AP1G1: variants seen among roughly 807,000 people sequenced by gnomAD.
AP1G1 encodes the protein adaptor related protein complex 1 subunit gamma 1.
Under a neutral mutation model 108.3 loss-of-function variants are expected in AP1G1, and 7 were observed. That is an observed-to-expected ratio of 0.06 (90% CI 0.04 to 0.12). The LOEUF is 0.12. Ranked by LOEUF, AP1G1 falls within the 10% of genes least tolerant of loss-of-function variation. The pLI is 1.00. For synonymous variants in AP1G1, 379 were observed against 353.5 expected, an observed-to-expected ratio of 1.07 and a Z score of -0.81; for missense variants, 756 against 1,010.7, an observed-to-expected ratio of 0.75 and a Z score of 3.42.
chr16:71,785,587 A>G, intron 2 of AP1G1, among the ~76,000 whole-genome samples: 1 of 151,340 alleles, frequency 6.6e-6, no homozygotes, highest in African/African-American at 2.4e-5. Flanking sequence ...AAAAAAAAAA[A>G]AAAAAAAAAA....
intron 5 of AP1G1, among the ~76,000 whole-genome samples, chr16:71,770,188 A>G (rs1444573480): frequency 6.6e-6 from 1 of 152,180 alleles, no homozygotes; most frequent in Non-Finnish European, 1.5e-5. Context: ...CAATCTCACA[A>G]TGCTTTTCAC....
chr16:71,742,189 GA>G (rs1363831761), intron 19 of AP1G1: 1 of 151,928 alleles, frequency 6.6e-6, no homozygotes, highest in Non-Finnish European at 1.5e-5. Context: ...GGAACAAAAA[GA>G]AAAGACTCCA....
At chr16:71,795,236 G>C (rs904040511) in intron 1 of AP1G1, among the ~76,000 whole-genome samples, 7 of 152,216 alleles carry the variant, frequency 4.6e-5, no homozygotes, top group South Asian at 2.1e-4. Flanking sequence ...CAACTATGTG[G>C]TCAGTCTTCC....
At chr16:71,769,094 C>T (rs541667975) in intron 6 of AP1G1, among the ~76,000 whole-genome samples, 2 of 150,290 alleles carry the variant, frequency 1.3e-5, no homozygotes, top group Admixed American at 6.6e-5. Flanking sequence ...ACCAGCTTGG[C>T]CAACATGGTG....
At chr16:71,756,930 CAA>C (rs551372939) in intron 11 of AP1G1, among the ~76,000 whole-genome samples, 16 of 67,876 alleles carry the variant, frequency 2.4e-4, no homozygotes, top group Admixed American at 4.4e-4. Flanking sequence ...GACTCTGTCT[CAA>C]AAAAAAAAAA....
chr16:71,740,285 A>G (rs2045602700), intron 19 of AP1G1, among the ~76,000 whole-genome samples: 1 of 152,202 alleles, frequency 6.6e-6, no homozygotes, highest in Non-Finnish European at 1.5e-5. Flanking sequence ...CTGGGCTTTT[A>G]TGCATTAGAC....
intron 21 of AP1G1, among the ~76,000 whole-genome samples, chr16:71,736,596 T>G (rs2145411491): frequency 6.9e-6 from 1 of 144,556 alleles, no homozygotes; most frequent in African/African-American, 2.6e-5. Flanking sequence ...ATTTATTTAT[T>G]TATTTTTTGA....
In AP1G1 at chr16:71,758,926, A is replaced by G. The variant is rs2030939205; in HGVS notation, c.975-5T>C. On this transcript the variant is annotated splice_polypyrimidine_tract_variant and splice_region_variant and intron_variant, in intron 10 of 22. Coordinates refer to ENST00000299980, the MANE Select transcript of AP1G1 (RefSeq NM_001128.6). ...AAAGATGTCAGAGCCACATATCTGG[A>G]TGAAACAGTTGCAAAATAACAGAGT... 6.5e-7 allele frequency: 1 copy of G among 1,529,760 alleles called. No individual in the cohort carries two copies. The allele number at this position is 1,529,760 out of a possible 1,614,324, so 94.8% of individuals were successfully genotyped here.
chr16:71,791,953 G>C (rs1477273258), intron 1 of AP1G1, among the ~76,000 whole-genome samples: 1 of 151,708 alleles, frequency 6.6e-6, no homozygotes, highest in Non-Finnish European at 1.5e-5. Flanking sequence ...GTAGAGACAG[G>C]GTTTCACCAT....
At position 71,738,892 on chromosome 16, in the gene AP1G1, G is replaced by C. The variant is rs904764; in HGVS notation, c.2268+50C>G. 266 of 1,440,090 alleles carry C rather than the reference G, an allele frequency of 1.8e-4. 1 individual carries two copies. In the African/African-American group the frequency reaches 3.2e-3, roughly 17 times the overall value. The allele number at this position is 1,440,090 out of a possible 1,614,324, so 89.2% of individuals were successfully genotyped here. A position where few individuals can be genotyped will look rare whatever the true frequency, so the allele number is the denominator to read the frequency against. The stretch of plus-strand genomic sequence containing the variant: ...TTTACCAAACACATGAAAAAAAAAA[G>C]CCAGCCAATCTTTAATCAAAGGAAA... On this transcript the variant is annotated intron_variant, in intron 21 of 22. Transcript: ENST00000299980.
chr16:71,784,515 T>C (rs1256258725), intron 2 of AP1G1, among the ~76,000 whole-genome samples: 2 of 152,218 alleles, frequency 1.3e-5, no homozygotes, highest in Non-Finnish European at 2.9e-5. Flanking sequence ...TGGTAGTTTA[T>C]GCCATCTCAA....
intron 15 of AP1G1, among the ~76,000 whole-genome samples, chr16:71,748,844 T>G (rs191784927): frequency 2.0e-5 from 3 of 152,236 alleles, no homozygotes; most frequent in Admixed American, 6.5e-5. Flanking sequence ...GACTTGGGCC[T>G]AAAGTGGTTT....
chr16:71,748,977 G>A (rs1047747907), intron 15 of AP1G1, among the ~76,000 whole-genome samples: 4 of 151,996 alleles, frequency 2.6e-5, no homozygotes, highest in African/African-American at 9.7e-5. Flanking sequence ...CGCAATCTTG[G>A]CTCACTGCAA....
intron 3 of AP1G1, among the ~76,000 whole-genome samples, chr16:71,774,003 C>T (rs962463513): frequency 6.7e-6 from 1 of 148,462 alleles, no homozygotes; most frequent in African/African-American, 2.5e-5. Context: ...CTCCTGACCT[C>T]GTGATCTGAG....
At chr16:71,767,936 C>A (rs2031381684) in intron 6 of AP1G1, 2 of 1,577,370 alleles carry the variant, frequency 1.3e-6, no homozygotes, top group South Asian at 2.2e-5. Context: ...ACATACAAAG[C>A]AAGCATTAGG....
chr16:71,777,505 A>G (rs375645486), intron 2 of AP1G1: 4 of 272,412 alleles, frequency 1.5e-5, no homozygotes, highest in East Asian at 2.5e-4. Flanking sequence ...TGCAGGGCCC[A>G]TAGCAAGGAG....
chr16:71,733,234 CTT>C, intron 22 of AP1G1, 75 bp from the exon 23 acceptor site: 1 of 1,223,026 alleles, frequency 8.2e-7, no homozygotes, highest in Admixed American at 2.1e-5. Flanking sequence ...CACAAATAGA[CTT>C]TTAATCTTAG....
At chr16:71,738,146 C>T (rs1167451986) in intron 21 of AP1G1, among the ~76,000 whole-genome samples, 1 of 152,088 alleles carries the variant, frequency 6.6e-6, no homozygotes, top group Non-Finnish European at 1.5e-5. Context: ...CTCCTGGGTT[C>T]AAGCAATTCT....
At chr16:71,786,572 T>C (rs932350291) in intron 2 of AP1G1, among the ~76,000 whole-genome samples, 3 of 152,138 alleles carry the variant, frequency 2.0e-5, no homozygotes, top group Admixed American at 6.6e-5. Context: ...ACGATTCTCC[T>C]GCTTCAGCCT....
Sources: gnomAD v4.1 joint callset for allele counts (sites outside exome capture counted in the v4.1 genomes callset) on GRCh38, gnomAD v4.1.1 for gene constraint, MANE v1.5 for transcripts, NCBI Gene and HGNC (gene_info 2026-07-23, HGNC 2026-07-21) for gene names.